COL11A2: variants seen among roughly 807,000 people sequenced by gnomAD.
COL11A2 encodes collagen alpha-2(XI) chain.
COL11A2 carries 116 observed loss-of-function variants against 273.4 expected under a neutral mutation model. The observed-to-expected ratio is 0.42, with a 90% CI of 0.36 to 0.49. The LOEUF (loss-of-function observed/expected upper bound fraction) is 0.49. Among genes scored for constraint, COL11A2 ranks in the 20% least tolerant of loss-of-function variants. The pLI is 0.00. For synonymous variants in COL11A2, 782 were observed against 864.2 expected (o/e 0.90, Z 1.67); for missense variants, 1,866 against 2,309.0 (o/e 0.81, Z 3.93).
Position 33,166,840 on chromosome 6 carries a change from G to A in COL11A2, c.4231-13C>T, listed in dbSNP as rs757003172. 7 of 1,612,390 alleles carry A rather than the reference G, an allele frequency of 4.3e-6. No individual in the cohort carries two copies. The highest frequency in any genetic ancestry group is 3.3e-5 in the South Asian group (3 of 90,982). ...GACCTGGGTGGCCCTAGAGAAGGGT[G>A]CAGGCAGTCAAGAGAATGCAAAGAG... is the stretch of plus-strand genomic sequence containing the variant. On this transcript the variant is annotated splice_polypyrimidine_tract_variant and intron_variant, in intron 58 of 65. Transcript: ENST00000341947. This position sits in a 1 kb window ranked among gnomAD's most constrained non-coding sequence, Gnocchi z 4.8.
rs1258091807 is a variant in COL11A2 at position 33,179,288 on chromosome 6, GGA to G, written c.1504-6_1504-5del. 4 of 1,609,584 alleles carry G rather than the reference GGA, an allele frequency of 2.5e-6. No homozygotes were observed. The highest frequency in any genetic ancestry group is 8.5e-7 in the Non-Finnish European group (1 of 1,178,616). Reference sequence around the variant, plus strand: ...GGCCAGGGCTCCCAGGTTGGCCCTGGGAGAGAGAAGAGAGGATGGCCGTAAGG... The same window carrying G: ...GGCCAGGGCTCCCAGGTTGGCCCTGGGAGAGAAGAGAGGATGGCCGTAAGG... On this transcript the variant is annotated splice_region_variant and splice_polypyrimidine_tract_variant and intron_variant, in intron 14 of 65. Transcript: ENST00000341947. This position sits in a 1 kb window ranked among gnomAD's most constrained non-coding sequence, Gnocchi z 6.4.
upstream of COL11A2, among the ~76,000 whole-genome samples, chr6:33,192,712 G>A (rs1773295704): frequency 6.6e-6 from 1 of 151,962 alleles, no homozygotes; most frequent in African/African-American, 2.4e-5. Flanking sequence ...TCCTTTTCTA[G>A]GACCCAAACG....
rs934714603 is a variant in COL11A2, at chr6:33,165,741, G to A, written c.4558C>T (p.Arg1520Cys). The change falls in exon 63 of 66, where the codon CGT (arginine) becomes TGT (cysteine). Residue 1520 changes from arginine to cysteine, a missense_variant. Arg to Cys is a radical substitution (Grantham distance 180). Transcript: ENST00000341947. This position sits in a 1 kb window ranked among gnomAD's most constrained non-coding sequence, Gnocchi z 7.7. Reference sequence around the variant, plus strand: ...ATGGCCTCATCTTCCTGCATCAGACGGCTTCCATCCACCGAGCGCCGAGTC... The same window carrying A: ...ATGGCCTCATCTTCCTGCATCAGACAGCTTCCATCCACCGAGCGCCGAGTC... ...KKTRRSVDGS[R>C]LMQEDEAIPT... 39 of 1,611,662 alleles carry A rather than the reference G, an allele frequency of 2.4e-5. No individual in the cohort carries two copies. Among genetic ancestry groups the A allele is most frequent in the Admixed American group, 3.3e-5 (2 of 60,000 alleles).
In COL11A2 at chr6:33,166,022, G is replaced by T; in HGVS notation, c.4429-38C>A. On this transcript the variant is annotated intron_variant, in intron 61 of 65. Coordinates refer to ENST00000341947, the MANE Select transcript of COL11A2 (RefSeq NM_080680.3). The surrounding 1 kb of genome is among the most constrained non-coding windows in gnomAD (Gnocchi z 4.8). Reference sequence around the variant, plus strand: ...AAATCAGGTCATGGAGGGGTCAAGAGGTCAAGCATGGATCAAGGTCACAGA... The same window carrying T: ...AAATCAGGTCATGGAGGGGTCAAGATGTCAAGCATGGATCAAGGTCACAGA... The T allele has an allele frequency of 6.2e-7, 1 of 1,613,488 alleles. No homozygotes were observed. Among genetic ancestry groups the T allele is most frequent in the Non-Finnish European group, 8.5e-7 (1 of 1,179,660 alleles).
intron 38 of COL11A2, 98 bp downstream of exon 38, chr6:33,172,962 G>A (rs748095864): frequency 2.3e-6 from 3 of 1,322,510 alleles, no homozygotes; most frequent in South Asian, 1.2e-5. Context: ...AGGAGTCTGG[G>A]TCAGGTGGAC....
At position 33,169,481 on chromosome 6, in the gene COL11A2, C is replaced by T. The variant is rs757506126; in HGVS notation, c.3700G>A (p.Gly1234Arg). 9 of 1,612,858 alleles carry T rather than the reference C, an allele frequency of 5.6e-6. No homozygotes were observed. The highest frequency in any genetic ancestry group is 1.7e-4 in the Middle Eastern group (1 of 6,060). Residue 1234 changes from glycine to arginine, a missense_variant, in exon 51 of 66, where the codon GGG becomes AGG. Transcript: ENST00000341947. This position sits in a 1 kb window ranked among gnomAD's most constrained non-coding sequence, Gnocchi z 5.5. ...GACTCTCCTTTCTCTCCACGTTCCC[C>T]GCGTGGACCCTGCAGAACAAGCGGA... The part of the protein sequence containing the change: ...QGEPGVKGPR[G>R]ERGEKGESGQ...
Position 33,169,689 on chromosome 6 carries a change from G to A in COL11A2, c.3690+142C>T, listed in dbSNP as rs1234464526. On this transcript the variant is annotated intron_variant, in intron 50 of 65. Coordinates refer to ENST00000341947, the MANE Select transcript of COL11A2 (RefSeq NM_080680.3). The surrounding 1 kb of genome is among the most constrained non-coding windows in gnomAD (Gnocchi z 5.5). ...GGAAGAAGGGCTCACTCAGACCAGG[G>A]ATCAGGCCTCATAGAGGATGGCAGG... is the stretch of plus-strand genomic sequence containing the variant. 4 of 1,174,274 alleles carry A rather than the reference G, an allele frequency of 3.4e-6. No individual in the cohort carries two copies. The highest frequency in any genetic ancestry group is 2.4e-5 in the East Asian group (1 of 42,310). 72.7% of individuals were successfully genotyped at this position (1,174,274 alleles called of 1,614,324 possible).
chr6:33,166,489 T>A lies in COL11A2; in HGVS notation c.4392+24A>T. ...CAGCAGAGGGGTTTAGGGGATTTTG[T>A]GGAGGAACAGAGGCAGTACTCACGG... On this transcript the variant is annotated intron_variant, in intron 60 of 65. Coordinates refer to ENST00000341947, the MANE Select transcript of COL11A2 (RefSeq NM_080680.3). The surrounding 1 kb of genome is among the most constrained non-coding windows in gnomAD (Gnocchi z 4.8). 1 of 1,611,332 alleles carries A rather than the reference T, an allele frequency of 6.2e-7. No individual in the cohort carries two copies. Among genetic ancestry groups the A allele is most frequent in the Non-Finnish European group, 8.5e-7 (1 of 1,178,492 alleles).
At chr6:33,171,996 C>T (rs1333563391) in intron 41 of COL11A2, 54 bp downstream of exon 41, 6 of 1,606,310 alleles carry the variant, frequency 3.7e-6, no homozygotes, top group Non-Finnish European at 5.1e-6. Flanking sequence ...CCCACCCTTC[C>T]TCACCCACCC....
rs148250300 is a variant in COL11A2 at position 33,180,996 on chromosome 6, C to A, written c.1189G>T (p.Val397Leu). 5 of 1,614,122 alleles carry A rather than the reference C, an allele frequency of 3.1e-6. No individual in the cohort carries two copies. Among genetic ancestry groups the A allele is most frequent in the South Asian group, 2.2e-5 (2 of 91,088 alleles). The change falls in exon 10 of 66, where the codon GTG becomes TTG. Residue 397 changes from valine to leucine, a missense_variant. By Grantham distance (32) the Val-to-Leu change is conservative. Coordinates refer to ENST00000341947, the MANE Select transcript of COL11A2 (RefSeq NM_080680.3). Reference sequence around the variant, plus strand: ...CCTTCTGGGCCAGGGGGCCCCTCCACGAGCATACCCTGTGGAGTCAAAGGT... The same window carrying A: ...CCTTCTGGGCCAGGGGGCCCCTCCAAGAGCATACCCTGTGGAGTCAAAGGT... Reference protein sequence around the residue: ...EPAVLEPGMLVEGPPGPEGPA... With the variant: ...EPAVLEPGMLLEGPPGPEGPA...
chr6:33,189,768 A>T lies in COL11A2; in HGVS notation c.83-299T>A, dbSNP rs373086298. Among the ~76,000 whole-genome samples the T allele has an allele frequency of 6.6e-6, 1 of 151,366 alleles. No individual in the cohort carries two copies. The highest frequency in any genetic ancestry group is 1.5e-5 in the Non-Finnish European group (1 of 67,820). ...AGCTTATGAATCTGTCTCTCTCTGT[A>T]CTCTCTGAATACTTCTCTCAACTCT... On this transcript the variant is annotated intron_variant, in intron 1 of 65. Coordinates refer to ENST00000341947, the MANE Select transcript of COL11A2 (RefSeq NM_080680.3). The surrounding 1 kb of genome is among the most constrained non-coding windows in gnomAD (Gnocchi z 5.6).
intron 5 of COL11A2, 100 bp downstream of exon 5, chr6:33,186,527 A>G (rs1772440119): frequency 1.2e-6 from 2 of 1,602,296 alleles, no homozygotes; most frequent in African/African-American, 1.3e-5. Context: ...TGATGGGAAT[A>G]GGGAGATGAG....
chr6:33,174,130 C>T (rs1204962875), intron 32 of COL11A2, 35 bp downstream of exon 32: 3 of 1,606,052 alleles, frequency 1.9e-6, no homozygotes, highest in Admixed American at 3.4e-5. Flanking sequence ...CTCTCCAGCC[C>T]TTCCCTTCTC....
rs770085839 is a variant in COL11A2, at chr6:33,167,120, G to T, written c.4180C>A (p.Pro1394Thr). ...GQAGPPGPVG[P>T]PGLPGLRGDA... ...CCCCGGAGACCAGGCAGCCCTGGGGGTCCCTGTGGAGAGATGGGAAGTCAT... is the reference window on the plus strand; with the variant it reads ...CCCCGGAGACCAGGCAGCCCTGGGGTTCCCTGTGGAGAGATGGGAAGTCAT... Residue 1394 changes from proline (P) to threonine (T), a missense_variant, in exon 58 of 66, where the codon CCC (proline) becomes ACC (threonine). Pro to Thr is a conservative substitution (Grantham distance 38). Transcript: ENST00000341947. This position sits in a 1 kb window ranked among gnomAD's most constrained non-coding sequence, Gnocchi z 6.1. 1 of 1,614,128 alleles carries T rather than the reference G, an allele frequency of 6.2e-7. No homozygotes were observed. The highest frequency in any genetic ancestry group is 8.5e-7 in the Non-Finnish European group (1 of 1,180,002).
chr6:33,183,163 G>A (rs1771940085), intron 8 of COL11A2, among the ~76,000 whole-genome samples: 1 of 152,188 alleles, frequency 6.6e-6, no homozygotes, highest in African/African-American at 2.4e-5. Flanking sequence ...AATACTGGAA[G>A]ATATGAGAAC....
Position 33,170,591 on chromosome 6 carries a change from C to G in COL11A2, c.3494G>C (p.Gly1165Ala). The G allele has an allele frequency of 6.2e-7, 1 of 1,612,460 alleles. No homozygotes were observed. Among genetic ancestry groups the G allele is most frequent in the Non-Finnish European group, 8.5e-7 (1 of 1,179,790 alleles). ...CACATCTCCTGTTTCTCCCTTCTCCCCAGAGGGGCCTGGCAAACCCTGTGC... is the reference window on the plus strand; with the variant it reads ...CACATCTCCTGTTTCTCCCTTCTCCGCAGAGGGGCCTGGCAAACCCTGTGC... ...IGLQGLPGPSGEKGETGDVGP... is the reference protein window; with the variant it reads ...IGLQGLPGPSAEKGETGDVGP... The change falls in exon 47 of 66, where the codon GGG becomes GCG. Residue 1165 changes from glycine (G) to alanine (A), a missense_variant. Transcript: ENST00000341947. The surrounding 1 kb of genome is among the most constrained non-coding windows in gnomAD (Gnocchi z 4.3).
rs1419165387 is a variant in COL11A2 at position 33,190,796 on chromosome 6, A to G, written c.83-1327T>C. Among the ~76,000 whole-genome samples the G allele has an allele frequency of 6.6e-6, 1 of 152,142 alleles. No individual in the cohort carries two copies. The highest frequency in any genetic ancestry group is 1.9e-4 in the East Asian group (1 of 5,190). ...GTGAGACAGAGACACAGAGACTCAC[A>G]GAGACCCCAGGCCAAGGAGACCTCG... On this transcript the variant is annotated intron_variant, in intron 1 of 65. Transcript: ENST00000341947. This position sits in a 1 kb window ranked among gnomAD's most constrained non-coding sequence, Gnocchi z 4.5.
intron 38 of COL11A2, 67 bp downstream of exon 38, chr6:33,172,993 G>T (rs1002818699): frequency 3.6e-5 from 56 of 1,542,854 alleles, no homozygotes; most frequent in Non-Finnish European, 4.9e-5. Flanking sequence ...GCGTGTGACC[G>T]AGAGAAGAGG....
In COL11A2 at chr6:33,170,667, T is replaced by C; in HGVS notation, c.3475-57A>G. 1 of 1,603,020 alleles carries C rather than the reference T, an allele frequency of 6.2e-7. No homozygotes were observed. The highest frequency in any genetic ancestry group is 8.5e-7 in the Non-Finnish European group (1 of 1,171,216). On this transcript the variant is annotated intron_variant, in intron 46 of 65. Coordinates refer to ENST00000341947, the MANE Select transcript of COL11A2 (RefSeq NM_080680.3). This position sits in a 1 kb window ranked among gnomAD's most constrained non-coding sequence, Gnocchi z 4.3. ...GACGACCCCACCCAAAGCACAGCCC[T>C]AGGCAGATAGGCCCCACAGTCCCCT...
Sources: gnomAD v4.1 joint callset for allele counts (sites outside exome capture counted in the v4.1 genomes callset) on GRCh38, gnomAD v4.1.1 for gene constraint, Gnocchi (gnomAD v3.1) non-coding constraint, MANE v1.5 for transcripts, NCBI Gene and HGNC (gene_info 2026-07-23, HGNC 2026-07-21) for gene names.